Variants in ANO5 observed in about 807,000 individuals in gnomAD.
ANO5 encodes the protein anoctamin 5.
In ANO5, 109 loss-of-function variants were observed where a neutral mutation model predicts 121.0. The observed-to-expected ratio is 0.90, with a 90% CI of 0.77 to 1.06. The LOEUF (loss-of-function observed/expected upper bound fraction) is 1.06, where lower values mean the gene tolerates loss of function less well. Among genes scored for constraint, ANO5 ranks in the 50% least tolerant of loss-of-function variants. ANO5 has a pLI of 0.00. For synonymous variants in ANO5, 406 were observed against 359.9 expected, an observed-to-expected ratio of 1.13 and a Z score of -1.45; for missense variants, 1,064 against 1,078.5, an observed-to-expected ratio of 0.99 and a Z score of 0.19.
intron 7 of ANO5, among the ~76,000 whole-genome samples, chr11:22,232,351 CTGGTCTGT>C (rs1265164105): frequency 1.3e-5 from 2 of 151,908 alleles, no homozygotes; most frequent in Non-Finnish European, 2.9e-5. Context: ...GCTAAAGTCT[CTGGTCTGT>C]TTTCAATTAG....
rs369600326 is a variant in ANO5 at position 22,262,258 on chromosome 11, G to A, written c.1760G>A (p.Gly587Glu). ...FFKGKFVGYP[G>E]KYTYLFNEWR... ...AAAGGGAAGTTCGTAGGCTATCCTGGAAAATACACATATTTATTTAATGAG... is the reference window on the plus strand; with the variant it reads ...AAAGGGAAGTTCGTAGGCTATCCTGAAAAATACACATATTTATTTAATGAG... Residue 587 changes from glycine to glutamate, a missense_variant, in exon 16 of 22, where the codon GGA (glycine) becomes GAA (glutamate). Gly to Glu is a moderately conservative substitution (Grantham distance 98). Transcript: ENST00000324559. 113 of 1,613,668 alleles carry A rather than the reference G, an allele frequency of 7.0e-5. No homozygotes were observed. The highest frequency in any genetic ancestry group is 9.1e-5 in the Non-Finnish European group (107 of 1,179,914).
Position 22,279,819 on chromosome 11 carries a change from G to GT in ANO5, c.*58dup. Reference sequence around the variant, plus strand: ...CTGCCTTACTTCACTTTATCCTCTGGTTTTAGGGCCAGACGCCAGAAGCCA... The same window carrying GT: ...CTGCCTTACTTCACTTTATCCTCTGGTTTTTAGGGCCAGACGCCAGAAGCCA... On this transcript the variant is annotated 3_prime_UTR_variant, in exon 22 of 22. Transcript: ENST00000324559. The GT allele has an allele frequency of 1.4e-6, 2 of 1,477,454 alleles. No individual in the cohort carries two copies. Among genetic ancestry groups the GT allele is most frequent in the African/African-American group, 2.8e-5 (2 of 71,456 alleles). 91.5% of individuals were successfully genotyped at this position (1,477,454 alleles called of 1,614,324 possible).
intron 7 of ANO5, among the ~76,000 whole-genome samples, chr11:22,228,097 G>A (rs1852908261): frequency 1.3e-5 from 2 of 151,912 alleles, no homozygotes; most frequent in Non-Finnish European, 2.9e-5. Flanking sequence ...GAAGTCCTAG[G>A]ATCTTTAAGT....
chr11:22,206,898 G>A (rs988365873), intron 2 of ANO5, among the ~76,000 whole-genome samples: 1 of 151,902 alleles, frequency 6.6e-6, no homozygotes, highest in Non-Finnish European at 1.5e-5. Context: ...AGTACTGACA[G>A]TTCTTGCAAT....
intron 14 of ANO5, among the ~76,000 whole-genome samples, chr11:22,258,706 C>T (rs1187026290): frequency 6.6e-6 from 1 of 152,194 alleles, no homozygotes; most frequent in African/African-American, 2.4e-5. Context: ...GATCTTGATT[C>T]TACATCTTTA....
chr11:22,225,639 A>T (rs1016122159), intron 5 of ANO5, among the ~76,000 whole-genome samples: 3 of 152,168 alleles, frequency 2.0e-5, no homozygotes, highest in African/African-American at 7.2e-5. Context: ...TTTGAAGAGT[A>T]TTGATCTTTG....
In ANO5 at chr11:22,193,110, A is replaced by C; in HGVS notation, c.-383A>C. The C allele has an allele frequency of 2.7e-6, 3 of 1,105,754 alleles. No homozygotes were observed. Among genetic ancestry groups the C allele is most frequent in the Non-Finnish European group, 3.3e-6 (3 of 900,272 alleles). 68.5% of individuals were successfully genotyped at this position (1,105,754 alleles called of 1,614,324 possible). ...GGAAAGGATCCTGGCGAGCACCGGG[A>C]GGAGTGGCGGCTGCGGGATCAGCTG... On this transcript the variant is annotated 5_prime_UTR_variant, in exon 1 of 22. Transcript: ENST00000324559.
At chr11:22,192,896 G>A (rs907922151), upstream of ANO5, 21 of 842,968 alleles carry the variant, frequency 2.5e-5, no homozygotes, top group Non-Finnish European at 1.0e-5. Flanking sequence ...GGAGGCGGCA[G>A]AGCAGGGACC....
rs1000745266 is a variant in ANO5, at chr11:22,282,332, A to G, written c.*2567A>G. ...CTTTCCTTTGCACACAGGAAGCAAA[A>G]TCTACTTCAAGACATTTATTTTAGA... On this transcript the variant is annotated 3_prime_UTR_variant, in exon 22 of 22. Coordinates refer to ENST00000324559, the MANE Select transcript of ANO5 (RefSeq NM_213599.3). 6.6e-6 allele frequency: 1 copy of G among 152,176 alleles called. No homozygotes were observed. The highest frequency in any genetic ancestry group is 2.4e-5 in the African/African-American group (1 of 41,464). 9.4% of individuals were successfully genotyped at this position (152,176 alleles called of 1,614,324 possible). A position where few individuals can be genotyped will look rare whatever the true frequency, so the allele number is the denominator to read the frequency against.
chr11:22,205,876 C>A (rs1852105120), intron 2 of ANO5, among the ~76,000 whole-genome samples: 1 of 152,030 alleles, frequency 6.6e-6, no homozygotes, highest in South Asian at 2.1e-4. Flanking sequence ...ATGAAACGGA[C>A]CAATTCTTCA....
Position 22,283,212 on chromosome 11 carries a change from C to T in ANO5, c.*3447C>T, listed in dbSNP as rs1855139389. ...GGTGTTAACACAGGAAATGAGTGCT[C>T]CTTTTTAAAATTTCTTTCTTCCAAG... On this transcript the variant is annotated 3_prime_UTR_variant, in exon 22 of 22. Coordinates refer to ENST00000324559, the MANE Select transcript of ANO5 (RefSeq NM_213599.3). 6.6e-6 allele frequency: 1 copy of T among 152,012 alleles called. No homozygotes were observed. Among genetic ancestry groups the T allele is most frequent in the South Asian group, 2.1e-4 (1 of 4,816 alleles). The allele number at this position is 152,012 out of a possible 1,614,324, so 9.4% of individuals were successfully genotyped here.
At chr11:22,194,502 A>AT (rs575087977) in intron 1 of ANO5, among the ~76,000 whole-genome samples, 47 of 152,108 alleles carry the variant, frequency 3.1e-4, no homozygotes, top group Middle Eastern at 6.8e-3. Flanking sequence ...GTAAAGTTGG[A>AT]TTTTTTTTAG....
At chr11:22,194,587 T>A (rs1480171458) in intron 1 of ANO5, among the ~76,000 whole-genome samples, 1 of 152,212 alleles carries the variant, frequency 6.6e-6, no homozygotes, top group Admixed American at 6.5e-5. Flanking sequence ...TAGAAACCTC[T>A]TAGGCAGTCA....
At chr11:22,228,777 T>A (rs752091539) in intron 7 of ANO5, among the ~76,000 whole-genome samples, 5 of 152,018 alleles carry the variant, frequency 3.3e-5, no homozygotes, top group Non-Finnish European at 7.4e-5. Flanking sequence ...TCCTCTAGGT[T>A]CATATTGTCA....
intron 9 of ANO5, among the ~76,000 whole-genome samples, chr11:22,247,402 T>C (rs572821017): frequency 1.3e-5 from 2 of 151,282 alleles, no homozygotes; most frequent in East Asian, 3.9e-4. Flanking sequence ...CAAAAGATAA[T>C]TTAGATGGAT....
intron 8 of ANO5, among the ~76,000 whole-genome samples, chr11:22,238,896 A>T (rs182403198): frequency 1.3e-5 from 2 of 152,072 alleles, no homozygotes; most frequent in African/African-American, 4.8e-5. Flanking sequence ...TTTAAACTGG[A>T]TATTTATTCA....
chr11:22,240,826 C>T (rs1429639045), intron 9 of ANO5, among the ~76,000 whole-genome samples: 1 of 151,426 alleles, frequency 6.6e-6, no homozygotes, highest in Non-Finnish European at 1.5e-5. Context: ...TTTCTGAGAG[C>T]AATGGCATCT....
At chr11:22,224,550 A>T (rs955894697) in intron 5 of ANO5, among the ~76,000 whole-genome samples, 2 of 152,116 alleles carry the variant, frequency 1.3e-5, no homozygotes, top group African/African-American at 2.4e-5. Context: ...CCAGATCCAT[A>T]GTTCTTACCA....
intron 1 of ANO5, among the ~76,000 whole-genome samples, chr11:22,196,214 C>T (rs1475128003): frequency 6.6e-6 from 1 of 152,098 alleles, no homozygotes; most frequent in Non-Finnish European, 1.5e-5. Flanking sequence ...TGACAAGGAC[C>T]TTTGTGCTGC....
Sources: gnomAD v4.1 joint callset for allele counts (sites outside exome capture counted in the v4.1 genomes callset) on GRCh38, gnomAD v4.1.1 for gene constraint, MANE v1.5 for transcripts, NCBI Gene and HGNC (gene_info 2026-07-23, HGNC 2026-07-21) for gene names.